The following CFAP77 variants were observed in gnomAD, a reference collection of about 807,000 sequenced individuals.
CFAP77 encodes the protein cilia- and flagella-associated protein 77.
CFAP77 carries 25 observed loss-of-function variants against 31.1 expected under a neutral mutation model. The ratio of observed to expected loss-of-function variants is 0.80; its 90% confidence interval spans 0.59 to 1.12. The LOEUF (loss-of-function observed/expected upper bound fraction) is 1.12, where lower values mean the gene tolerates loss of function less well. Ranked by LOEUF, CFAP77 falls within the 50% of genes most tolerant of loss-of-function variation. The pLI is 0.00. For synonymous variants in CFAP77, 151 were observed against 159.9 expected, an observed-to-expected ratio of 0.94 and a Z score of 0.42; for missense variants, 377 against 397.3, an observed-to-expected ratio of 0.95 and a Z score of 0.44.
chr9:132,499,397 G>T lies in CFAP77; in HGVS notation c.321G>T (p.Lys107Asn). The T allele has an allele frequency of 1.9e-6, 3 of 1,614,210 alleles. No homozygotes were observed. Among genetic ancestry groups the T allele is most frequent in the Non-Finnish European group, 8.5e-7 (1 of 1,180,044 alleles). The change falls in exon 3 of 6, where the codon AAG becomes AAT. Residue 107 changes from lysine (K) to asparagine (N), a missense_variant. Lys to Asn is a moderately conservative substitution (Grantham distance 94). Transcript: ENST00000393216. The surrounding 1 kb of genome is among the most constrained non-coding windows in gnomAD (Gnocchi z 5.4). Reference protein sequence around the residue: ...PEAIGRWNVFKQQPTCPHELT... With the variant: ...PEAIGRWNVFNQQPTCPHELT... ...CCATCGGACGCTGGAACGTGTTCAA[G>T]CAGCAGCCCACCTGCCCCCACGAGC...
chr9:132,509,129 A>C (rs1259803159), intron 3 of CFAP77, among the ~76,000 whole-genome samples: 1 of 152,236 alleles, frequency 6.6e-6, no homozygotes. Context: ...TCCACAGAGC[A>C]AATGGATTAA....
intron 3 of CFAP77, among the ~76,000 whole-genome samples, chr9:132,531,850 A>G (rs1852459295): frequency 6.6e-6 from 1 of 152,116 alleles, no homozygotes; most frequent in African/African-American, 2.4e-5. Context: ...TTTCCCAGTA[A>G]TAAGAGCTGC....
At position 132,410,362 on chromosome 9, in the gene CFAP77, C is replaced by T. The variant is rs888644854; in HGVS notation, c.91C>T (p.Pro31Ser). ...CCGCACGGTCAGCCAGGTCTGCCCG[C>T]CCCCGCGGCGGCCCCTGACCGTGGC... ...VRRTVSQVCP[P>S]PRRPLTVADI... The change falls in exon 1 of 6, where the codon CCC (proline) becomes TCC (serine). Residue 31 changes from proline to serine, a missense_variant. Pro to Ser is a moderately conservative substitution (Grantham distance 74). Coordinates refer to ENST00000393216, the MANE Select transcript of CFAP77 (RefSeq NM_001282957.2). 4 of 1,598,618 alleles carry T rather than the reference C, an allele frequency of 2.5e-6. No homozygotes were observed. Among genetic ancestry groups the T allele is most frequent in the Admixed American group, 3.4e-5 (2 of 59,018 alleles).
chr9:132,458,357 G>GTGGGGTGGGGT (rs1554738861), intron 1 of CFAP77, among the ~76,000 whole-genome samples: 6 of 119,044 alleles, frequency 5.0e-5, no homozygotes, highest in Non-Finnish European at 1.0e-4. Flanking sequence ...GAGGGGGGGG[G>GTGGGGTGGGGT]GTGTGTATGG....
chr9:132,482,242 C>T, intron 1 of CFAP77: 1 of 977,552 alleles, frequency 1.0e-6, no homozygotes. Context: ...CACTCAGGGT[C>T]TGCTGGCTGT....
chr9:132,454,952 C>G (rs1850887787), intron 1 of CFAP77, among the ~76,000 whole-genome samples: 1 of 152,162 alleles, frequency 6.6e-6, no homozygotes, highest in Non-Finnish European at 1.5e-5. Flanking sequence ...AGAGTGATCA[C>G]TTAGACCATC....
intron 5 of CFAP77, among the ~76,000 whole-genome samples, chr9:132,547,668 G>A (rs1290075634): frequency 6.6e-6 from 1 of 152,192 alleles, no homozygotes; most frequent in Non-Finnish European, 1.5e-5. Flanking sequence ...CGGGAAGTCT[G>A]GAGAAGCTCT....
intron 3 of CFAP77, among the ~76,000 whole-genome samples, chr9:132,522,289 C>T (rs1404470147): frequency 6.6e-6 from 1 of 152,202 alleles, no homozygotes; most frequent in East Asian, 1.9e-4. Flanking sequence ...TTCAAATTCT[C>T]TTGGCTGAAG....
chr9:132,488,960 CA>C (rs1851608329), intron 1 of CFAP77, among the ~76,000 whole-genome samples: 1 of 152,170 alleles, frequency 6.6e-6, no homozygotes, highest in Non-Finnish European at 1.5e-5. Context: ...GGACAGCTGT[CA>C]CCCAGAGCTG....
intron 1 of CFAP77, among the ~76,000 whole-genome samples, chr9:132,419,713 G>T (rs1225110378): frequency 6.6e-6 from 1 of 151,798 alleles, no homozygotes; most frequent in Non-Finnish European, 1.5e-5. Flanking sequence ...ATTTAAGACT[G>T]CTAATGAACC....
chr9:132,478,857 T>C (rs1851397182), intron 1 of CFAP77, among the ~76,000 whole-genome samples: 1 of 152,248 alleles, frequency 6.6e-6, no homozygotes, highest in African/African-American at 2.4e-5. Context: ...CTCTGCAGCT[T>C]GTCATTCATT....
chr9:132,459,783 TGTGTG>T (rs754505532), intron 1 of CFAP77, among the ~76,000 whole-genome samples: 2 of 150,068 alleles, frequency 1.3e-5, no homozygotes, highest in Non-Finnish European at 3.0e-5. Context: ...TGTGAGAGCG[TGTGTG>T]TATGTGAGAG....
At chr9:132,458,342 C>CG (rs1554738844) in intron 1 of CFAP77, among the ~76,000 whole-genome samples, 1,295 of 71,212 alleles carry the variant, frequency 0.018, 89 homozygotes, top group African/African-American at 0.067. Flanking sequence ...GTCTCCCTGG[C>CG]GGGGGAGGGG....
At chr9:132,463,586 C>A (rs189815032) in intron 1 of CFAP77, among the ~76,000 whole-genome samples, 93 of 152,240 alleles carry the variant, frequency 6.1e-4, no homozygotes, top group African/African-American at 2.0e-3. Flanking sequence ...AGCCTGGCCC[C>A]GGTGGAAGAC....
chr9:132,496,476 G>A (rs1029884996), intron 1 of CFAP77, among the ~76,000 whole-genome samples: 2 of 152,308 alleles, frequency 1.3e-5, no homozygotes, highest in Admixed American at 6.5e-5. Flanking sequence ...ACGCCCCTTA[G>A]CCATCACGGC....
At chr9:132,476,399 T>A (rs186493785) in intron 1 of CFAP77, among the ~76,000 whole-genome samples, 16 of 152,220 alleles carry the variant, frequency 1.1e-4, no homozygotes, top group African/African-American at 3.4e-4. Flanking sequence ...ACTTTGCTTA[T>A]GTCTGTCTTC....
chr9:132,557,600 C>T (rs948297796), intron 5 of CFAP77, among the ~76,000 whole-genome samples: 2 of 152,164 alleles, frequency 1.3e-5, no homozygotes, highest in African/African-American at 2.4e-5. Context: ...CCTGGAGAAC[C>T]GATTTTTTCC....
intron 1 of CFAP77, among the ~76,000 whole-genome samples, chr9:132,433,639 C>T (rs1589847722): frequency 1.3e-5 from 2 of 151,910 alleles, no homozygotes; most frequent in East Asian, 3.9e-4. Context: ...CCTCCGCCTC[C>T]TGGGTTCAAG....
At chr9:132,428,643 C>T (rs1431215976) in intron 1 of CFAP77, among the ~76,000 whole-genome samples, 2 of 151,990 alleles carry the variant, frequency 1.3e-5, no homozygotes, top group Admixed American at 6.6e-5. Flanking sequence ...CAAACAAACA[C>T]CCTGTACGGG....
Sources: allele counts gnomAD v4.1 joint callset (sites outside exome capture counted in the v4.1 genomes callset), GRCh38; gene constraint gnomAD v4.1.1; non-coding constraint Gnocchi (gnomAD v3.1); transcripts MANE v1.5; gene names NCBI Gene and HGNC (gene_info 2026-07-23, HGNC 2026-07-21).